Variants in ENG observed in about 807,000 individuals in gnomAD.
ENG encodes the protein endoglin, also known as CD105 antigen.
A neutral mutation model predicts 71.0 loss-of-function variants in ENG; 17 were observed. The observed-to-expected ratio is 0.24, with a 90% CI of 0.16 to 0.36. ENG has a LOEUF of 0.36. ENG is among the 10% of genes least tolerant of loss of function. The pLI, the probability that ENG is intolerant of heterozygous loss-of-function variation, is 1.00. For missense variants in ENG, 749 were observed against 868.3 expected, an observed-to-expected ratio of 0.86 and a Z score of 1.73; for synonymous variants, 360 against 366.9, an observed-to-expected ratio of 0.98 and a Z score of 0.21.
intron 10 of ENG, 178 bp downstream of exon 10, chr9:127,819,444 A>C (rs10819309): frequency 1.3e-6 from 1 of 785,152 alleles, no homozygotes; most frequent in Non-Finnish European, 2.1e-6. Context: ...TTGAGAGACC[A>C]AGAGCGTCAC....
chr9:127,851,376 C>T (rs1198925463), intron 1 of ENG, among the ~76,000 whole-genome samples: 4 of 151,810 alleles, frequency 2.6e-5, no homozygotes, highest in African/African-American at 9.7e-5. Flanking sequence ...CCCACCACTA[C>T]GCCTGGCTAA....
rs146160476 is a variant in ENG, at chr9:127,823,390, C to CT, written c.1134+913dup. Among the ~76,000 whole-genome samples the CT allele has an allele frequency of 9.9e-3, 1,417 of 143,038 alleles. 44 individuals carry two copies. In the East Asian group the frequency reaches 0.1, roughly 10 times the overall value. The allele number at this position is 143,038 out of a possible 152,430, so 93.8% of individuals were successfully genotyped here. On this transcript the variant is annotated intron_variant, in intron 8 of 14. Transcript: ENST00000373203. The stretch of plus-strand genomic sequence containing the variant: ...CCAGGCAGTGATCATATTGTATAGG[C>CT]TTTTTTTTTTTTCTTTGAGATGGAG...
At chr9:127,853,611 G>A (rs1413324102) in intron 1 of ENG, among the ~76,000 whole-genome samples, 1 of 152,256 alleles carries the variant, frequency 6.6e-6, no homozygotes, top group Non-Finnish European at 1.5e-5. Flanking sequence ...GAGGTAGGAG[G>A]GAGGCAGGGC....
intron 3 of ENG, 145 bp downstream of exon 3, chr9:127,829,542 A>T: frequency 8.6e-7 from 1 of 1,156,190 alleles, no homozygotes; most frequent in South Asian, 1.4e-5. Context: ...TGGCTTCACC[A>T]GGCAGGACCC....
intron 3 of ENG, among the ~76,000 whole-genome samples, chr9:127,827,797 C>T (rs1450982512): frequency 6.6e-6 from 1 of 151,794 alleles, no homozygotes; most frequent in African/African-American, 2.4e-5. Flanking sequence ...GGGTGGATCC[C>T]CTGAGGTCAG....
At position 127,821,030 on chromosome 9, in the gene ENG, T is replaced by C. The variant is rs908541364; in HGVS notation, c.1135-993A>G. Among the ~76,000 whole-genome samples, 7 of 152,188 alleles carry C rather than the reference T, an allele frequency of 4.6e-5. No homozygotes were observed. In the East Asian group the frequency reaches 1.4e-3, roughly 29 times the overall value. On this transcript the variant is annotated intron_variant, in intron 8 of 14. Coordinates refer to ENST00000373203, the MANE Select transcript of ENG (RefSeq NM_001114753.3). ...GGTCGGTGATGGACTGTGTATATGATGGTGGTCCCTGGTCCCATAAAATTA... is the reference window on the plus strand; with the variant it reads ...GGTCGGTGATGGACTGTGTATATGACGGTGGTCCCTGGTCCCATAAAATTA...
intron 6 of ENG, 33 bp downstream of exon 6, chr9:127,825,198 G>C: frequency 6.2e-7 from 1 of 1,613,188 alleles, no homozygotes; most frequent in South Asian, 1.1e-5. Flanking sequence ...TGGGAGTTTG[G>C]GTTTTGTGTC....
intron 1 of ENG, among the ~76,000 whole-genome samples, chr9:127,845,775 C>T (rs959635797): frequency 1.3e-5 from 2 of 152,208 alleles, no homozygotes; most frequent in African/African-American, 2.4e-5. Context: ...GGTGTGATAA[C>T]AGCTCACTGC....
At chr9:127,825,479 G>T in intron 5 of ENG, 122 bp from the exon 6 acceptor site, 1 of 1,502,120 alleles carries the variant, frequency 6.7e-7, no homozygotes, top group East Asian at 2.3e-5. Flanking sequence ...ATGGGATAGG[G>T]ATGGGACTGG....
At chr9:127,830,151 G>A (rs1398619210) in intron 2 of ENG, among the ~76,000 whole-genome samples, 2 of 152,018 alleles carry the variant, frequency 1.3e-5, no homozygotes, top group East Asian at 1.9e-4. Flanking sequence ...AGACCAGCCT[G>A]ACCAACATGG....
intron 10 of ENG, 106 bp from the exon 11 acceptor site, chr9:127,818,938 C>CTT: frequency 1.1e-6 from 1 of 880,952 alleles, no homozygotes. Flanking sequence ...TTGCCTGACT[C>CTT]TCTTTTTTTT....
Position 127,815,718 on chromosome 9 carries a change from G to T in ENG, c.1941C>A (p.Thr647=), listed in dbSNP as rs931054396. 7 of 1,561,548 alleles carry T rather than the reference G, an allele frequency of 4.5e-6. No homozygotes were observed. Among genetic ancestry groups the T allele is most frequent in the Non-Finnish European group, 6.0e-6 (7 of 1,159,106 alleles). ...SSSTNHSIGS[T]QSTPCSTSSM... ...TGCTGGTGGAGCAGGGGGTGCTCTG[G>T]GTGCTCCCGATGCTGTGGTTGGTGC... The change falls in exon 15 of 15, where the codon ACC becomes ACA. Residue 647 remains threonine (T), a synonymous_variant. Transcript: ENST00000373203.
At chr9:127,850,847 G>C (rs78738041) in intron 1 of ENG, among the ~76,000 whole-genome samples, 1 of 152,346 alleles carries the variant, frequency 6.6e-6, no homozygotes, top group African/African-American at 2.4e-5. Context: ...ACTGTGCATT[G>C]TGGTAGTATT....
intron 1 of ENG, among the ~76,000 whole-genome samples, chr9:127,852,293 G>T (rs1235121374): frequency 6.6e-6 from 1 of 152,178 alleles, no homozygotes; most frequent in Non-Finnish European, 1.5e-5. Flanking sequence ...CACATGCAAG[G>T]TACAGTTTTA....
intron 1 of ENG, among the ~76,000 whole-genome samples, chr9:127,844,501 GCAGCCT>G (rs61337946): frequency 6.6e-6 from 1 of 151,146 alleles, no homozygotes; most frequent in Admixed American, 6.6e-5. Context: ...ATAGCTCACT[GCAGCCT>G]CAGCCTCAAC....
At position 127,836,463 on chromosome 9, in the gene ENG, G is replaced by T. The variant is rs943392676; in HGVS notation, c.219+6631C>A. ...GTCGCTTCCAGCAATTCTTCTAGGA[G>T]TGGAGCCTCAGGGCTGCCTGCAGCC... On this transcript the variant is annotated intron_variant, in intron 2 of 14. Coordinates refer to ENST00000373203, the MANE Select transcript of ENG (RefSeq NM_001114753.3). The surrounding 1 kb of genome is among the most constrained non-coding windows in gnomAD (Gnocchi z 4.0). Among the ~76,000 whole-genome samples, 1 of 152,262 alleles carries T rather than the reference G, an allele frequency of 6.6e-6. No individual in the cohort carries two copies.
intron 2 of ENG, among the ~76,000 whole-genome samples, chr9:127,835,063 G>A (rs548205490): frequency 2.4e-4 from 36 of 151,830 alleles, no homozygotes; most frequent in Non-Finnish European, 4.6e-4. Flanking sequence ...GTACAGTGGC[G>A]TGATTGCTCA....
At position 127,828,877 on chromosome 9, in the gene ENG, C is replaced by T. The variant is rs1830693082; in HGVS notation, c.360+810G>A. On this transcript the variant is annotated intron_variant, in intron 3 of 14. Transcript: ENST00000373203. ...TCTCCCCTTTGCTATCTTTGCTCTCCCCCGGGCTCTCCCCTTCCTACCCTC... is the reference window on the plus strand; with the variant it reads ...TCTCCCCTTTGCTATCTTTGCTCTCTCCCGGGCTCTCCCCTTCCTACCCTC... 3.3e-5 allele frequency among the ~76,000 whole-genome samples: 5 copies of T among 152,204 alleles called. No individual in the cohort carries two copies. In the South Asian group the frequency reaches 1.0e-3, roughly 32 times the overall value.
In ENG at chr9:127,817,432, C is replaced by G. The variant is rs984130885; in HGVS notation, c.1687-229G>C. 1.3e-5 allele frequency: 8 copies of G among 607,956 alleles called. No homozygotes were observed. The Admixed American group carries it at 1.7e-4, about 13-fold the overall frequency. 37.7% of individuals were successfully genotyped at this position (607,956 alleles called of 1,614,324 possible). A position where few individuals can be genotyped will look rare whatever the true frequency, so the allele number is the denominator to read the frequency against. On this transcript the variant is annotated intron_variant, in intron 12 of 14. Transcript: ENST00000373203. ...AATGTTTCCTGTGAGTTCCTGGAGG[C>G]CTTGATGCCCAGGAGCACTGTGGAA...
Sources: gnomAD v4.1 joint callset for allele counts (sites outside exome capture counted in the v4.1 genomes callset) on GRCh38, gnomAD v4.1.1 for gene constraint, Gnocchi (gnomAD v3.1) non-coding constraint, MANE v1.5 for transcripts, NCBI Gene and HGNC (gene_info 2026-07-23, HGNC 2026-07-21) for gene names.